Variants in PAX5 observed in about 807,000 individuals in gnomAD.
PAX5 encodes paired box protein Pax-5.
Under a neutral mutation model 43.7 loss-of-function variants are expected in PAX5, and 9 were observed. That is an observed-to-expected ratio of 0.21 (90% CI 0.12 to 0.36). The LOEUF is 0.36. Ranked by LOEUF, PAX5 falls within the 10% of genes least tolerant of loss-of-function variation. The pLI is 1.00. For synonymous variants in PAX5, 228 were observed against 214.3 expected (o/e 1.06, Z -0.56); for missense variants, 383 against 532.7 (o/e 0.72, Z 2.77).
Position 36,923,406 on chromosome 9 carries a change from C to T in PAX5, c.859G>A (p.Ala287Thr), listed in dbSNP as rs1403946336. The T allele has an allele frequency of 6.2e-7, 1 of 1,613,396 alleles. No homozygotes were observed. Among genetic ancestry groups the T allele is most frequent in the Admixed American group, 1.7e-5 (1 of 60,020 alleles). Residue 287 changes from alanine (A) to threonine (T), a missense_variant, in exon 7 of 10, where the codon GCT becomes ACT. Ala to Thr is a moderately conservative substitution (Grantham distance 58). Coordinates refer to ENST00000358127, the MANE Select transcript of PAX5 (RefSeq NM_016734.3). ...MKANLASPTP[A>T]DIGSSVPGPQ... is the part of the protein sequence containing the mutation. The stretch of plus-strand genomic sequence containing the variant: ...CCTGGCACACTGCTCCCGATGTCAG[C>T]AGGGGTGGGGCTGGCCAGATTGGCC...
At chr9:36,936,567 G>T (rs1250104547) in intron 6 of PAX5, among the ~76,000 whole-genome samples, 1 of 152,168 alleles carries the variant, frequency 6.6e-6, no homozygotes, top group Non-Finnish European at 1.5e-5. Flanking sequence ...CCAAAGGGAG[G>T]ATCCCCATCC....
intron 7 of PAX5, among the ~76,000 whole-genome samples, chr9:36,884,585 G>A (rs1391186425): frequency 6.6e-6 from 1 of 152,118 alleles, no homozygotes; most frequent in Non-Finnish European, 1.5e-5. Context: ...ACATGTCAAG[G>A]AAACCTATTA....
At chr9:37,016,433 G>A (rs987701500) in intron 2 of PAX5, among the ~76,000 whole-genome samples, 1 of 152,208 alleles carries the variant, frequency 6.6e-6, no homozygotes, top group Non-Finnish European at 1.5e-5. Flanking sequence ...GACCTCCCCT[G>A]AGGTAAATGG....
intron 9 of PAX5, among the ~76,000 whole-genome samples, chr9:36,842,048 A>G (rs1822108933): frequency 6.6e-6 from 1 of 152,126 alleles, no homozygotes; most frequent in Non-Finnish European, 1.5e-5. Context: ...CATCACCCCA[A>G]GGAGGCAGTA....
At chr9:37,030,212 TGGG>T (rs1340160752) in intron 1 of PAX5, among the ~76,000 whole-genome samples, 1 of 152,184 alleles carries the variant, frequency 6.6e-6, no homozygotes, top group Non-Finnish European at 1.5e-5. Context: ...TCGGCGTTCT[TGGG>T]GGAAGGAGTT....
At chr9:36,900,578 A>G (rs1828288644) in intron 7 of PAX5, among the ~76,000 whole-genome samples, 1 of 152,158 alleles carries the variant, frequency 6.6e-6, no homozygotes, top group Non-Finnish European at 1.5e-5. Context: ...AGCCTCCAAG[A>G]TGGAGCGCAT....
In PAX5 at chr9:36,833,775, A is replaced by AT. The variant is rs529936287; in HGVS notation, c.*6784dup. On this transcript the variant is annotated 3_prime_UTR_variant, in exon 10 of 10. Coordinates refer to ENST00000358127, the MANE Select transcript of PAX5 (RefSeq NM_016734.3). ...AAAACATACACATTTTTTAAGAAGC[A>AT]TTTTTTTTTTTCAATCCGTTGGAGA... 897 of 201,536 alleles carry AT rather than the reference A, an allele frequency of 4.5e-3. 2 individuals carry two copies. Among genetic ancestry groups the AT allele is most frequent in the Middle Eastern group, 0.015 (9 of 620 alleles). 12.5% of individuals were successfully genotyped at this position (201,536 alleles called of 1,614,324 possible).
chr9:36,987,003 A>G (rs2132307045), intron 5 of PAX5, among the ~76,000 whole-genome samples: 1 of 152,244 alleles, frequency 6.6e-6, no homozygotes, highest in African/African-American at 2.4e-5. Context: ...CCTGGTGCTG[A>G]CGCTGTGCCG....
intron 6 of PAX5, among the ~76,000 whole-genome samples, chr9:36,931,923 G>C (rs1192149375): frequency 1.3e-5 from 2 of 151,684 alleles, no homozygotes; most frequent in Admixed American, 6.6e-5. Context: ...AGTATTTGAT[G>C]ACATGAATGG....
intron 9 of PAX5, among the ~76,000 whole-genome samples, chr9:36,843,324 GCGGGCCGGGAGAGGTGAA>G (rs1224297791): frequency 6.6e-6 from 1 of 152,186 alleles, no homozygotes; most frequent in Non-Finnish European, 1.5e-5. Context: ...GTGGGGCAGG[GCGGGCCGGGAGAGGTGAA>G]CGGGCCTGGA....
chr9:36,932,062 G>A (rs140084391), intron 6 of PAX5, among the ~76,000 whole-genome samples: 2 of 152,032 alleles, frequency 1.3e-5, no homozygotes, highest in African/African-American at 2.4e-5. Flanking sequence ...ATTACTTGAG[G>A]CCAGGAGTTT....
chr9:36,858,159 T>A (rs1823854347), intron 8 of PAX5, among the ~76,000 whole-genome samples: 1 of 152,276 alleles, frequency 6.6e-6, no homozygotes, highest in Admixed American at 6.5e-5. Flanking sequence ...AAGTCCTTTG[T>A]GAATTGAAAA....
intron 5 of PAX5, among the ~76,000 whole-genome samples, chr9:36,999,028 T>C (rs1736933988): frequency 1.3e-5 from 2 of 152,200 alleles, no homozygotes; most frequent in Non-Finnish European, 2.9e-5. Context: ...CTAGTCACTG[T>C]CATGTTATCT....
intron 7 of PAX5, among the ~76,000 whole-genome samples, chr9:36,916,457 TAA>T (rs1471681399): frequency 6.6e-6 from 1 of 152,238 alleles, no homozygotes; most frequent in East Asian, 1.9e-4. Flanking sequence ...ATCATTTTGA[TAA>T]AGTCAAAAGA....
chr9:36,853,113 C>T (rs1320597546), intron 8 of PAX5, among the ~76,000 whole-genome samples: 2 of 152,192 alleles, frequency 1.3e-5, no homozygotes, highest in African/African-American at 4.8e-5. Flanking sequence ...TCCCTCTAGC[C>T]TTTCTTTCAC....
chr9:36,947,118 T>C (rs908060768), intron 6 of PAX5, among the ~76,000 whole-genome samples: 8 of 152,224 alleles, frequency 5.3e-5, no homozygotes, highest in Admixed American at 3.3e-4. Context: ...GGAGCCCATA[T>C]AAATAAATAT....
At chr9:36,925,331 G>A (rs1055729971) in intron 6 of PAX5, among the ~76,000 whole-genome samples, 3 of 152,152 alleles carry the variant, frequency 2.0e-5, no homozygotes, top group African/African-American at 7.2e-5. Flanking sequence ...AAGAGCACAG[G>A]CCCAAAGCAA....
intron 5 of PAX5, among the ~76,000 whole-genome samples, chr9:37,000,651 T>A (rs2132382039): frequency 6.6e-6 from 1 of 152,370 alleles, no homozygotes; most frequent in Admixed American, 6.5e-5. Context: ...CATCTGATTC[T>A]TGATACTCTG....
chr9:36,877,682 G>A (rs1293110983), intron 8 of PAX5, among the ~76,000 whole-genome samples: 1 of 152,186 alleles, frequency 6.6e-6, no homozygotes, highest in Admixed American at 6.5e-5. Flanking sequence ...AAGCCCGAGA[G>A]GTCACAAATC....
Sources: allele counts gnomAD v4.1 joint callset (sites outside exome capture counted in the v4.1 genomes callset), GRCh38; gene constraint gnomAD v4.1.1; transcripts MANE v1.5; gene names NCBI Gene and HGNC (gene_info 2026-07-23, HGNC 2026-07-21).